Variants in P2RX4 observed in about 807,000 individuals in gnomAD.
P2RX4 encodes the protein P2X purinoceptor 4.
A neutral mutation model predicts 48.0 loss-of-function variants in P2RX4; 37 were observed. The ratio of observed to expected loss-of-function variants is 0.77; its 90% CI spans 0.59 to 1.01. The LOEUF is 1.01. P2RX4 is among the 50% of genes least tolerant of loss of function. The pLI, the probability that P2RX4 is intolerant of heterozygous loss-of-function variation, is 0.00. For synonymous variants in P2RX4, 200 were observed against 199.7 expected, an observed-to-expected ratio of 1.00 and a Z score of -0.01; for missense variants, 501 against 521.4, an observed-to-expected ratio of 0.96 and a Z score of 0.38.
Position 121,232,583 on chromosome 12 carries a change from C to T in P2RX4, c.979-28C>T. 6.2e-7 allele frequency: 1 copy of T among 1,612,314 alleles called. No homozygotes were observed. On this transcript the variant is annotated intron_variant, in intron 9 of 11. Coordinates refer to ENST00000337233, the MANE Select transcript of P2RX4 (RefSeq NM_002560.3). This position sits in a 1 kb window ranked among gnomAD's most constrained non-coding sequence, Gnocchi z 4.3. ...GCCTCTCCCTGCCCCTGCAGAAACA[C>T]TTTTTTTCTTTTTCGGTGTCTTGGC...
Position 121,233,856 on chromosome 12 carries a change from T to G in P2RX4, c.*307T>G, listed in dbSNP as rs527753116. The G allele has an allele frequency of 2.0e-6, 1 of 489,728 alleles. No individual in the cohort carries two copies. Among genetic ancestry groups the G allele is most frequent in the African/African-American group, 2.0e-5 (1 of 51,258 alleles). The allele number at this position is 489,728 out of a possible 1,614,324, so 30.3% of individuals were successfully genotyped here. A position where few individuals can be genotyped will look rare whatever the true frequency, so the allele number is the denominator to read the frequency against. ...GTGGCTTTCAGGGCTGGAGCTGGCT[T>G]TGCTCAGAAGCCTCCTGTCTCCAGC... is the stretch of plus-strand genomic sequence containing the variant. On this transcript the variant is annotated 3_prime_UTR_variant, in exon 12 of 12. Coordinates refer to ENST00000337233, the MANE Select transcript of P2RX4 (RefSeq NM_002560.3).
chr12:121,211,458 G>A (rs1213151523), intron 1 of P2RX4, among the ~76,000 whole-genome samples: 1 of 152,086 alleles, frequency 6.6e-6, no homozygotes, highest in African/African-American at 2.4e-5. Flanking sequence ...CAAAATGCTG[G>A]GATTACAGGC....
chr12:121,228,760 TCAAGTCGTGCATTTATGATG>T lies in P2RX4; in HGVS notation c.643_662del (p.Lys215Ter), dbSNP rs753571197. The T allele has an allele frequency of 6.2e-7, 1 of 1,614,068 alleles. No homozygotes were observed. The highest frequency in any genetic ancestry group is 1.1e-5 in the South Asian group (1 of 91,074). ...CTTCCCAACATCACCACTACTTACCTCAAGTCGTGCATTTATGATGCTAAAACAGATCCCTTCTGCCCCAT... is the reference window on the plus strand; with the variant it reads ...CTTCCCAACATCACCACTACTTACCTCTAAAACAGATCCCTTCTGCCCCAT... On this transcript the variant is annotated frameshift_variant, in exon 7 of 12. Coordinates refer to ENST00000337233, the MANE Select transcript of P2RX4 (RefSeq NM_002560.3). LOFTEE classifies it high-confidence loss of function.
chr12:121,234,047 C>T lies in P2RX4; in HGVS notation c.*498C>T. On this transcript the variant is annotated 3_prime_UTR_variant, in exon 12 of 12. Transcript: ENST00000337233. ...CCATGCGGCAGAGCTGGCATTTCTCCTCAGAGAAGCGCTGTGCTAAGGTGA... is the reference window on the plus strand; with the variant it reads ...CCATGCGGCAGAGCTGGCATTTCTCTTCAGAGAAGCGCTGTGCTAAGGTGA... 1 of 192,160 alleles carries T rather than the reference C, an allele frequency of 5.2e-6. No individual in the cohort carries two copies. The highest frequency in any genetic ancestry group is 1.1e-5 in the Non-Finnish European group (1 of 90,356). The allele number at this position is 192,160 out of a possible 1,614,324, so 11.9% of individuals were successfully genotyped here.
At chr12:121,218,848 T>C (rs1465714217) in intron 2 of P2RX4, among the ~76,000 whole-genome samples, 1 of 152,060 alleles carries the variant, frequency 6.6e-6, no homozygotes, top group Non-Finnish European at 1.5e-5. Context: ...AAATTACCCT[T>C]AATTTGAAGT....
intron 4 of P2RX4, 119 bp downstream of exon 4, chr12:121,222,285 C>T (rs1362805787): frequency 1.6e-5 from 12 of 755,326 alleles, no homozygotes; most frequent in Non-Finnish European, 2.5e-5. Flanking sequence ...AGCCAGGTGC[C>T]GAGGCTGGGG....
At position 121,222,062 on chromosome 12, in the gene P2RX4, G is replaced by A. The variant is rs80274087; in HGVS notation, c.355-32G>A. On this transcript the variant is annotated intron_variant, in intron 3 of 11. Transcript: ENST00000337233. ...CCACCTGTGTGTGGGGCCGGGCCAC[G>A]TGGACTTTCTTTTCGCTCCTTCTTT... 1.1e-3 allele frequency: 1,837 copies of A among 1,607,866 alleles called. 22 individuals are homozygous for A. In the African/African-American group the frequency reaches 0.021, roughly 18 times the overall value.
chr12:121,219,340 G>A (rs1886428805), intron 2 of P2RX4, among the ~76,000 whole-genome samples: 1 of 152,164 alleles, frequency 6.6e-6, no homozygotes, highest in Non-Finnish European at 1.5e-5. Flanking sequence ...CAGACTGGTT[G>A]GTTTCTGAGT....
intron 8 of P2RX4, among the ~76,000 whole-genome samples, chr12:121,231,376 A>G (rs1271376744): frequency 6.6e-6 from 1 of 152,218 alleles, no homozygotes; most frequent in Non-Finnish European, 1.5e-5. Context: ...TTTTCACTAT[A>G]TTCACAGATA....
chr12:121,223,011 G>A lies in P2RX4; in HGVS notation c.492G>A (p.Trp164Ter), dbSNP rs902496920. 4 of 1,613,016 alleles carry A rather than the reference G, an allele frequency of 2.5e-6. No individual in the cohort carries two copies. Among genetic ancestry groups the A allele is most frequent in the Non-Finnish European group, 3.4e-6 (4 of 1,179,098 alleles). ...GSVKTCEVAA[W>*]CPVEDDTHVP... is the part of the protein sequence containing the mutation. ...TCAAGACGTGTGAGGTGGCGGCCTG[G>A]TGCCCGGTGGAGGATGACACACACG... Residue 164 changes from tryptophan (W) to a stop codon, truncating the protein, a stop_gained, in exon 5 of 12, where the codon TGG (tryptophan) becomes TGA (stop). Coordinates refer to ENST00000337233, the MANE Select transcript of P2RX4 (RefSeq NM_002560.3). LOFTEE classifies it high-confidence loss of function.
chr12:121,224,560 C>T (rs1192363546), intron 5 of P2RX4, among the ~76,000 whole-genome samples: 1 of 151,944 alleles, frequency 6.6e-6, no homozygotes, highest in African/African-American at 2.4e-5. Flanking sequence ...TGAGATCGCT[C>T]TTCTGCACTC....
rs555445560 is a variant in P2RX4, at chr12:121,230,609, T to A, written c.884+1510T>A. 2.6e-3 allele frequency among the ~76,000 whole-genome samples: 392 copies of A among 152,350 alleles called. 3 individuals carry two copies. The highest frequency in any genetic ancestry group is 8.8e-3 in the African/African-American group (365 of 41,584). On this transcript the variant is annotated intron_variant, in intron 8 of 11. Transcript: ENST00000337233. ...GCAGTTAGATTTGTGTTATTCCATCTCTACTGTCACACACTTCTTGTGGAA... is the reference window on the plus strand; with the variant it reads ...GCAGTTAGATTTGTGTTATTCCATCACTACTGTCACACACTTCTTGTGGAA...
intron 5 of P2RX4, among the ~76,000 whole-genome samples, chr12:121,224,015 T>G (rs746535928): frequency 2.0e-5 from 3 of 152,188 alleles, no homozygotes; most frequent in Non-Finnish European, 4.4e-5. Context: ...CCCCCAAGTC[T>G]GAGTCTCCCT....
At chr12:121,221,841 T>G (rs999905879) in intron 2 of P2RX4, 72 bp from the exon 3 acceptor site, 2 of 1,287,840 alleles carry the variant, frequency 1.6e-6, no homozygotes, top group Non-Finnish European at 2.3e-6. Context: ...TCCTCTTCAG[T>G]CAGCGTCTGC....
intron 2 of P2RX4, among the ~76,000 whole-genome samples, chr12:121,217,609 C>T (rs74917644): frequency 0.04 from 6,130 of 151,960 alleles, 170 homozygotes; most frequent in South Asian, 0.12. Flanking sequence ...CCCAAATACA[C>T]GAGGTAAATC....
chr12:121,222,201 C>T (rs1455076477), intron 4 of P2RX4, 35 bp downstream of exon 4: 1 of 1,406,186 alleles, frequency 7.1e-7, no homozygotes, highest in Non-Finnish European at 1.0e-6. Context: ...AGGGCGGCCC[C>T]TGAGCAGATC....
chr12:121,223,713 G>A (rs61216528), intron 5 of P2RX4, among the ~76,000 whole-genome samples: 20,577 of 152,112 alleles, frequency 0.14, 1,592 homozygotes, highest in East Asian at 0.23. Flanking sequence ...CGTGCACAGC[G>A]GGGGGGCAGT....
intron 2 of P2RX4, among the ~76,000 whole-genome samples, chr12:121,221,635 C>T (rs577390865): frequency 7.9e-5 from 12 of 152,130 alleles, no homozygotes; most frequent in East Asian, 5.8e-4. Context: ...CCTCGTGATC[C>T]GCCCGCCTCA....
chr12:121,233,770 T>A lies in P2RX4; in HGVS notation c.*221T>A. ...GCAGTCTGTTCTTGGCTGGGTCAACTCTGCTTTTCCCGCAACCTGGGGTTG... is the reference window on the plus strand; with the variant it reads ...GCAGTCTGTTCTTGGCTGGGTCAACACTGCTTTTCCCGCAACCTGGGGTTG... On this transcript the variant is annotated 3_prime_UTR_variant, in exon 12 of 12. Coordinates refer to ENST00000337233, the MANE Select transcript of P2RX4 (RefSeq NM_002560.3). 2 of 1,159,202 alleles carry A rather than the reference T, an allele frequency of 1.7e-6. No homozygotes were observed. The highest frequency in any genetic ancestry group is 2.4e-6 in the Non-Finnish European group (2 of 846,300). 71.8% of individuals were successfully genotyped at this position (1,159,202 alleles called of 1,614,324 possible). A position where few individuals can be genotyped will look rare whatever the true frequency, so the allele number is the denominator to read the frequency against.
Sources: gnomAD v4.1 joint callset for allele counts (sites outside exome capture counted in the v4.1 genomes callset) on GRCh38, gnomAD v4.1.1 for gene constraint, Gnocchi (gnomAD v3.1) non-coding constraint, MANE v1.5 for transcripts, NCBI Gene and HGNC (gene_info 2026-07-23, HGNC 2026-07-21) for gene names.